KIF23: variants seen among roughly 807,000 people sequenced by gnomAD.
KIF23 encodes the protein kinesin family member 23, also known as kinesin-like protein KIF23.
In KIF23, 30 loss-of-function variants were observed where a neutral mutation model predicts 137.5. That is an observed-to-expected ratio of 0.22 (90% CI 0.16 to 0.30). The LOEUF (loss-of-function observed/expected upper bound fraction) is 0.30. KIF23 is among the 10% of genes least tolerant of loss of function. The pLI, the probability that KIF23 is intolerant of heterozygous loss-of-function variation, is 1.00. For synonymous variants in KIF23, 367 were observed against 391.1 expected (o/e 0.94, Z 0.73); for missense variants, 920 against 1,194.3 (o/e 0.77, Z 3.38).
In KIF23 at chr15:69,417,479, T is replaced by C. The variant is rs184577106; in HGVS notation, c.178T>C (p.Tyr60His). ...TGTTCAGCTTCATACTCCTGAGGGC[T>C]ACAGACTCAACCGAAATGGAGACTA... Reference protein sequence around the residue: ...TTVQLHTPEGYRLNRNGDYKE... With the variant: ...TTVQLHTPEGHRLNRNGDYKE... The change falls in exon 3 of 24, where the codon TAC becomes CAC. Residue 60 changes from tyrosine to histidine, a missense_variant. By Grantham distance (83) the Tyr-to-His change is moderately conservative. Around this residue, in one of 4 missense-constraint regions of KIF23, gnomAD observed 124 missense variants for 122.0 expected, o/e 1.02. Coordinates refer to ENST00000679126, the MANE Select transcript of KIF23 (RefSeq NM_001367805.3). The C allele has an allele frequency of 6.2e-7, 1 of 1,613,834 alleles. No homozygotes were observed. Among genetic ancestry groups the C allele is most frequent in the Non-Finnish European group, 8.5e-7 (1 of 1,179,854 alleles).
intron 7 of KIF23, among the ~76,000 whole-genome samples, chr15:69,424,909 G>A (rs1256952729): frequency 2.0e-5 from 3 of 152,106 alleles, no homozygotes; most frequent in Non-Finnish European, 2.9e-5. Flanking sequence ...ATGTATGCTC[G>A]TGTGCCAACT....
chr15:69,435,465 T>C lies in KIF23; in HGVS notation c.1115-18T>C, dbSNP rs1567071583. ...TACTGTTGTTCTGAAATGGCGTCTA[T>C]GTATTTTTTTCTGTCAGGTAATATT... On this transcript the variant is annotated intron_variant, in intron 11 of 23. Coordinates refer to ENST00000679126, the MANE Select transcript of KIF23 (RefSeq NM_001367805.3). 1 of 1,594,772 alleles carries C rather than the reference T, an allele frequency of 6.3e-7. No individual in the cohort carries two copies.
At chr15:69,439,097 C>CA (rs35730014) in intron 16 of KIF23, among the ~76,000 whole-genome samples, 4,338 of 110,554 alleles carry the variant, frequency 0.039, 140 homozygotes, top group African/African-American at 0.1. Flanking sequence ...GAGCCTGTCT[C>CA]AAAAAAAAAA....
intron 11 of KIF23, among the ~76,000 whole-genome samples, chr15:69,431,116 CTG>C: frequency 6.6e-6 from 1 of 152,270 alleles, no homozygotes; most frequent in South Asian, 2.1e-4. Context: ...TCAGACAACA[CTG>C]AGAGCTAGTT....
chr15:69,446,872 G>A lies in KIF23; in HGVS notation c.2840G>A (p.Cys947Tyr). Residue 947 changes from cysteine (C) to tyrosine (Y), a missense_variant and splice_region_variant, in exon 23 of 24, where the codon TGT (cysteine) becomes TAT (tyrosine). Transcript: ENST00000679126. ...TTCCTCTTGTCATTTTCCTCTCAGTGTTCTGTGGCTGTGGAGATGAGAGCA... is the reference window on the plus strand; with the variant it reads ...TTCCTCTTGTCATTTTCCTCTCAGTATTCTGTGGCTGTGGAGATGAGAGCA... ...ESEWTDVETRCSVAVEMRAGS... is the reference protein window; with the variant it reads ...ESEWTDVETRYSVAVEMRAGS... The A allele has an allele frequency of 1.9e-6, 3 of 1,614,090 alleles. No individual in the cohort carries two copies. Among genetic ancestry groups the A allele is most frequent in the Non-Finnish European group, 2.5e-6 (3 of 1,179,922 alleles).
chr15:69,423,065 C>G (rs2057099692), intron 6 of KIF23, 94 bp from the exon 7 acceptor site: 1 of 830,152 alleles, frequency 1.2e-6, no homozygotes. Flanking sequence ...TCCCAAAGTG[C>G]TGGGATTATA....
In KIF23 at chr15:69,444,812, A is replaced by T; in HGVS notation, c.2444A>T (p.Asn815Ile). The change falls in exon 20 of 24, where the codon AAC becomes ATC. Residue 815 changes from asparagine (N) to isoleucine (I), a missense_variant. Physicochemically the swap from Asn to Ile is moderately radical, Grantham distance 149. Around this residue, in one of 4 missense-constraint regions of KIF23, gnomAD observed 714 missense variants for 866.2 expected, o/e 0.82. Coordinates refer to ENST00000679126, the MANE Select transcript of KIF23 (RefSeq NM_001367805.3). This position sits in a 1 kb window ranked among gnomAD's most constrained non-coding sequence, Gnocchi z 4.2. Reference protein sequence around the residue: ...CGRLLFQPDQNAPPIRLRHRR... With the variant: ...CGRLLFQPDQIAPPIRLRHRR... ...CAGTTACTCTTTCAACCTGATCAGA[A>T]CGCACCACCAATTCGTCTCCGACAC... 1 of 1,614,156 alleles carries T rather than the reference A, an allele frequency of 6.2e-7. No homozygotes were observed. Among genetic ancestry groups the T allele is most frequent in the Non-Finnish European group, 8.5e-7 (1 of 1,180,026 alleles).
chr15:69,437,588 G>A (rs2057514503), intron 15 of KIF23, among the ~76,000 whole-genome samples: 1 of 151,208 alleles, frequency 6.6e-6, no homozygotes, highest in African/African-American at 2.4e-5. Flanking sequence ...AGCCTCCTGA[G>A]TAGCTGGGAT....
intron 10 of KIF23, among the ~76,000 whole-genome samples, chr15:69,427,973 T>C (rs1212588096): frequency 6.6e-6 from 1 of 152,124 alleles, no homozygotes; most frequent in Non-Finnish European, 1.5e-5. Context: ...AAAATAGTTA[T>C]AAGGGCCAGG....
chr15:69,439,254 A>C (rs981362218), intron 16 of KIF23, among the ~76,000 whole-genome samples: 6 of 152,248 alleles, frequency 3.9e-5, no homozygotes, highest in Non-Finnish European at 5.9e-5. Flanking sequence ...GGAGCTTTCT[A>C]GAGCTTAGCT....
chr15:69,414,353 A>G lies in KIF23; in HGVS notation c.-113A>G, dbSNP rs1411241451. The G allele has an allele frequency of 3.4e-6, 5 of 1,455,850 alleles. No homozygotes were observed. The highest frequency in any genetic ancestry group is 4.7e-6 in the Non-Finnish European group (5 of 1,074,118). The allele number at this position is 1,455,850 out of a possible 1,614,324, so 90.2% of individuals were successfully genotyped here. A position where few individuals can be genotyped will look rare whatever the true frequency, so the allele number is the denominator to read the frequency against. On this transcript the variant is annotated 5_prime_UTR_variant, in exon 1 of 24. Coordinates refer to ENST00000679126, the MANE Select transcript of KIF23 (RefSeq NM_001367805.3). ...CTTAGCGTCGCCGCCGGCTTCGCAG[A>G]GCACCGCGCCTTAGCCGCGAAGTTC... is the stretch of plus-strand genomic sequence containing the variant.
At chr15:69,433,537 A>T (rs1465028300) in intron 11 of KIF23, among the ~76,000 whole-genome samples, 1 of 152,150 alleles carries the variant, frequency 6.6e-6, no homozygotes, top group East Asian at 1.9e-4. Context: ...ATGCAGCAAG[A>T]GCTTCAGACT....
chr15:69,425,307 A>C lies in KIF23; in HGVS notation c.760A>C (p.Arg254=), dbSNP rs1215082009. 1.8e-5 allele frequency: 27 copies of C among 1,535,988 alleles called. No homozygotes were observed. Among genetic ancestry groups the C allele is most frequent in the Non-Finnish European group, 2.4e-5 (27 of 1,146,834 alleles). The change falls in exon 8 of 24, where the codon AGG becomes CGG. Residue 254 remains arginine (R), a synonymous_variant. Transcript: ENST00000679126. The part of the protein sequence containing the change: ...PKWNSCSTPM[R]NTDFVPPQSK... The stretch of plus-strand genomic sequence containing the variant: ...GTGGAACAGTTGCAGCACACCCATG[A>C]GGAACACAGATTTTGTGTATGTGAT...
Position 69,429,178 on chromosome 15 carries a change from G to C in KIF23, c.1079G>C (p.Arg360Pro). The change falls in exon 11 of 24, where the codon CGG (arginine) becomes CCG (proline). Residue 360 changes from arginine (R) to proline (P), a missense_variant. Transcript: ENST00000679126. ...CTTGCTGGAAGTGAAAGAACTAACC[G>C]GACCAGAGCAGAAGGGAACAGATTA... ...VDLAGSERTN[R>P]TRAEGNRLRE... The C allele has an allele frequency of 6.2e-7, 1 of 1,612,838 alleles. No individual in the cohort carries two copies. Among genetic ancestry groups the C allele is most frequent in the Non-Finnish European group, 8.5e-7 (1 of 1,179,180 alleles).
chr15:69,440,051 A>G lies in KIF23; in HGVS notation c.1903A>G (p.Thr635Ala), dbSNP rs1414001868. 6.2e-7 allele frequency: 1 copy of G among 1,613,750 alleles called. No homozygotes were observed. The highest frequency in any genetic ancestry group is 8.5e-7 in the Non-Finnish European group (1 of 1,179,972). Residue 635 changes from threonine to alanine, a missense_variant, in exon 17 of 24, where the codon ACG becomes GCG. By Grantham distance (58) the Thr-to-Ala change is moderately conservative (BLOSUM62 0). Transcript: ENST00000679126. ...CAGGTTGCAAGGCATGGTGACAGAA[A>G]CGACAATGAAGTGGGAGAAAGAATG... Reference protein sequence around the residue: ...EARLQGMVTETTMKWEKECER... With the variant: ...EARLQGMVTEATMKWEKECER...
chr15:69,441,720 A>C (rs966146470), intron 19 of KIF23, among the ~76,000 whole-genome samples: 4 of 152,040 alleles, frequency 2.6e-5, no homozygotes, highest in African/African-American at 9.7e-5. Context: ...ACATTAATTA[A>C]TTATCCTCTA....
intron 19 of KIF23, among the ~76,000 whole-genome samples, chr15:69,441,444 A>T (rs1318818818): frequency 6.6e-6 from 1 of 152,136 alleles, no homozygotes; most frequent in Non-Finnish European, 1.5e-5. Flanking sequence ...TAGATTTTTT[A>T]TACCTCCTTT....
At chr15:69,419,007 C>T (rs1007974357) in intron 3 of KIF23, among the ~76,000 whole-genome samples, 1 of 152,164 alleles carries the variant, frequency 6.6e-6, no homozygotes. Context: ...ATCCCAGCTA[C>T]TCAGTAGCCT....
chr15:69,427,555 A>C (rs1371759506), intron 10 of KIF23: 2 of 435,312 alleles, frequency 4.6e-6, no homozygotes, highest in East Asian at 1.4e-4. Flanking sequence ...TTTTCAGGGT[A>C]GGTATAGTTT....
Sources: gnomAD v4.1 joint callset for allele counts (sites outside exome capture counted in the v4.1 genomes callset) on GRCh38, gnomAD v4.1.1 for gene constraint, gnomAD v4.1.1 regional missense constraint, Gnocchi (gnomAD v3.1) non-coding constraint, MANE v1.5 for transcripts, NCBI Gene and HGNC (gene_info 2026-07-23, HGNC 2026-07-21) for gene names.